CREB5: variants seen among roughly 807,000 people sequenced by gnomAD.
CREB5 encodes cyclic AMP-responsive element-binding protein 5.
A neutral mutation model predicts 57.1 loss-of-function variants in CREB5; 19 were observed. The ratio of observed to expected loss-of-function variants is 0.33; its 90% CI spans 0.23 to 0.49. The LOEUF (loss-of-function observed/expected upper bound fraction) is 0.49. Among genes scored for constraint, CREB5 ranks in the 20% least tolerant of loss-of-function variants. The pLI is 0.99. For synonymous variants in CREB5, 238 were observed against 238.3 expected (o/e 1.00, Z 0.01); for missense variants, 579 against 671.6 (o/e 0.86, Z 1.52).
Position 28,824,945 on chromosome 7 carries a change from G to A in CREB5, c.*5666G>A, listed in dbSNP as rs1809979926. On this transcript the variant is annotated 3_prime_UTR_variant, in exon 11 of 11. Transcript: ENST00000357727. ...ACTTACAATATCTAGCTCATTAGAA[G>A]CCAGGATCTAGAAAGCTCCTTCTAA... The A allele has an allele frequency of 6.6e-6, 1 of 152,550 alleles. No individual in the cohort carries two copies. Among genetic ancestry groups the A allele is most frequent in the Non-Finnish European group, 1.5e-5 (1 of 68,032 alleles). The allele number at this position is 152,550 out of a possible 1,614,324, so 9.4% of individuals were successfully genotyped here. A position where few individuals can be genotyped will look rare whatever the true frequency, so the allele number is the denominator to read the frequency against.
intron 7 of CREB5, among the ~76,000 whole-genome samples, chr7:28,756,786 A>G (rs1001303431): frequency 2.6e-5 from 4 of 152,198 alleles, no homozygotes; most frequent in Non-Finnish European, 5.9e-5. Flanking sequence ...AACTGGGCAC[A>G]TGCTTTAACT....
intron 1 of CREB5, chr7:28,435,748 T>G: frequency 2.4e-6 from 2 of 838,688 alleles, no homozygotes; most frequent in Non-Finnish European, 2.9e-6. Flanking sequence ...CAGATGTAAA[T>G]TACATTTGGC....
intron 1 of CREB5, among the ~76,000 whole-genome samples, chr7:28,405,644 C>G (rs867100556): frequency 2.0e-4 from 30 of 152,152 alleles, no homozygotes; most frequent in Admixed American, 3.3e-4. Flanking sequence ...CTCGAACTCC[C>G]AGGCTCAAGT....
Position 28,560,887 on chromosome 7 carries a change from C to CGTGT in CREB5, c.292-9472_292-9469dup, listed in dbSNP as rs1175327761. On this transcript the variant is annotated intron_variant, in intron 4 of 10. Transcript: ENST00000357727. ...GTGCCTGCGTGCGCGTGCGTGCGTGCGTGTGTGTGCGTGCGCGCGTGCGTG... is the reference window on the plus strand; with the variant it reads ...GTGCCTGCGTGCGCGTGCGTGCGTGCGTGTGTGTGTGTGCGTGCGCGCGTGCGTG... Among the ~76,000 whole-genome samples, 3 of 13,122 alleles carry CGTGT rather than the reference C, an allele frequency of 2.3e-4. 1 individual carries two copies. Among genetic ancestry groups the CGTGT allele is most frequent in the African/African-American group, 3.5e-4 (1 of 2,864 alleles). The allele number at this position is 13,122 out of a possible 152,430, so 8.6% of individuals were successfully genotyped here. A position where few individuals can be genotyped will look rare whatever the true frequency, so the allele number is the denominator to read the frequency against.
At chr7:28,311,022 C>T (rs1415354932) in intron 1 of CREB5, among the ~76,000 whole-genome samples, 3 of 151,070 alleles carry the variant, frequency 2.0e-5, no homozygotes, top group Non-Finnish European at 4.4e-5. Flanking sequence ...GGCCAGGCAC[C>T]GTGGCTCACG....
At chr7:28,527,983 C>T (rs765067638) in intron 4 of CREB5, among the ~76,000 whole-genome samples, 21 of 152,176 alleles carry the variant, frequency 1.4e-4, no homozygotes, top group Admixed American at 6.5e-4. Flanking sequence ...TTTTCTGAGC[C>T]GCCATGTTTA....
At chr7:28,646,549 G>A (rs979135290) in intron 5 of CREB5, among the ~76,000 whole-genome samples, 2 of 152,172 alleles carry the variant, frequency 1.3e-5, no homozygotes, top group Non-Finnish European at 2.9e-5. Context: ...TCCTCTGAGT[G>A]TCTTTGGATC....
At chr7:28,508,632 C>A (rs1486043317) in intron 4 of CREB5, among the ~76,000 whole-genome samples, 1 of 152,108 alleles carries the variant, frequency 6.6e-6, no homozygotes, top group South Asian at 2.1e-4. Flanking sequence ...TTATAATAAT[C>A]CCCCCTCCAC....
At chr7:28,303,142 C>CAA (rs36054051) in intron 1 of CREB5, among the ~76,000 whole-genome samples, 16,139 of 129,676 alleles carry the variant, frequency 0.12, 1,189 homozygotes, top group East Asian at 0.23. Context: ...AACTCCATCT[C>CAA]AAAAAAAAAA....
intron 1 of CREB5, among the ~76,000 whole-genome samples, chr7:28,345,329 T>C (rs545269596): frequency 2.0e-5 from 3 of 152,082 alleles, no homozygotes; most frequent in South Asian, 4.2e-4. Flanking sequence ...ACAAAACATG[T>C]CTTAACAAAT....
intron 4 of CREB5, among the ~76,000 whole-genome samples, chr7:28,540,557 C>T (rs920005786): frequency 6.6e-6 from 1 of 152,160 alleles, no homozygotes; most frequent in Non-Finnish European, 1.5e-5. Context: ...ACCACACATC[C>T]AAATGAATTC....
intron 1 of CREB5, among the ~76,000 whole-genome samples, chr7:28,486,716 A>G (rs1300664715): frequency 7.6e-6 from 1 of 131,986 alleles, no homozygotes; most frequent in Non-Finnish European, 1.6e-5. Context: ...ATTGGTAACC[A>G]CAAAACCATG....
At chr7:28,355,087 T>G (rs1166854327) in intron 1 of CREB5, among the ~76,000 whole-genome samples, 2 of 152,236 alleles carry the variant, frequency 1.3e-5, no homozygotes, top group Non-Finnish European at 2.9e-5. Flanking sequence ...GAAAGTCACA[T>G]GCATTAATGC....
In CREB5 at chr7:28,492,034, T is replaced by C. The variant is rs569792816; in HGVS notation, c.76-2872T>C. Reference sequence around the variant, plus strand: ...TTTGTTTTGAGATGGTGTTGCACTCTTGTCGCCCAGGCTGGAGTGCAATGG... The same window carrying C: ...TTTGTTTTGAGATGGTGTTGCACTCCTGTCGCCCAGGCTGGAGTGCAATGG... On this transcript the variant is annotated intron_variant, in intron 2 of 10. Coordinates refer to ENST00000357727, the MANE Select transcript of CREB5 (RefSeq NM_182898.4). Among the ~76,000 whole-genome samples the C allele has an allele frequency of 1.7e-3, 263 of 152,272 alleles. 2 individuals are homozygous for C. The highest frequency in any genetic ancestry group is 5.8e-3 in the African/African-American group (243 of 41,554).
At chr7:28,434,790 C>T (rs1788879804) in intron 1 of CREB5, among the ~76,000 whole-genome samples, 1 of 152,058 alleles carries the variant, frequency 6.6e-6, no homozygotes, top group African/African-American at 2.4e-5. Context: ...TGAACCATGG[C>T]CCTGGCTTTT....
intron 1 of CREB5, among the ~76,000 whole-genome samples, chr7:28,431,513 C>A (rs896216308): frequency 6.6e-6 from 1 of 152,146 alleles, no homozygotes; most frequent in Non-Finnish European, 1.5e-5. Context: ...GGCACTGGCT[C>A]ATGCTTGGAC....
At chr7:28,329,146 T>C (rs1785666899) in intron 1 of CREB5, among the ~76,000 whole-genome samples, 1 of 152,208 alleles carries the variant, frequency 6.6e-6, no homozygotes, top group Non-Finnish European at 1.5e-5. Context: ...TAACCACCCT[T>C]AATAGATGAA....
chr7:28,788,501 T>C (rs563689609), intron 7 of CREB5, among the ~76,000 whole-genome samples: 1 of 152,368 alleles, frequency 6.6e-6, no homozygotes, highest in African/African-American at 2.4e-5. Flanking sequence ...ATCCCTTTAA[T>C]CTATCATGTT....
At chr7:28,774,512 T>C (rs1806513393) in intron 7 of CREB5, among the ~76,000 whole-genome samples, 1 of 152,250 alleles carries the variant, frequency 6.6e-6, no homozygotes, top group Non-Finnish European at 1.5e-5. Context: ...ACATTTGTTA[T>C]TCTGAGACTG....
Sources: allele counts gnomAD v4.1 joint callset (sites outside exome capture counted in the v4.1 genomes callset), GRCh38; gene constraint gnomAD v4.1.1; transcripts MANE v1.5; gene names NCBI Gene and HGNC (gene_info 2026-07-23, HGNC 2026-07-21).